FOXB1: variants seen among roughly 807,000 people sequenced by gnomAD.
FOXB1 encodes the protein forkhead box B1.
Under a neutral mutation model 18.6 loss-of-function variants are expected in FOXB1, and 6 were observed. That is an observed-to-expected ratio of 0.32 (90% CI 0.18 to 0.64). The LOEUF is 0.64. Ranked by LOEUF, FOXB1 falls within the 30% of genes least tolerant of loss-of-function variation. FOXB1 has a pLI of 0.78. For synonymous variants in FOXB1, 213 were observed against 216.0 expected, an observed-to-expected ratio of 0.99 and a Z score of 0.12; for missense variants, 419 against 463.6, an observed-to-expected ratio of 0.90 and a Z score of 0.88.
chr15:60,005,292 A>G lies in FOXB1; in HGVS notation c.329A>G (p.Lys110Arg), dbSNP rs769393617. Reference protein sequence around the residue: ...GSFLRRRKRFKVLKSDHLAPS... With the variant: ...GSFLRRRKRFRVLKSDHLAPS... Reference sequence around the variant, plus strand: ...TTCCTGCGGCGCCGCAAGCGCTTCAAGGTGCTTAAGTCCGACCACCTGGCG... The same window carrying G: ...TTCCTGCGGCGCCGCAAGCGCTTCAGGGTGCTTAAGTCCGACCACCTGGCG... The change falls in exon 2 of 2, where the codon AAG becomes AGG. Residue 110 changes from lysine to arginine, a missense_variant. Coordinates refer to ENST00000396057, the MANE Select transcript of FOXB1 (RefSeq NM_012182.3). This position sits in a 1 kb window ranked among gnomAD's most constrained non-coding sequence, Gnocchi z 9.8. 6 of 1,613,156 alleles carry G rather than the reference A, an allele frequency of 3.7e-6. No homozygotes were observed. The Admixed American group carries it at 6.7e-5, about 18-fold the overall frequency.
rs71429555 is a variant in FOXB1 at position 60,006,914 on chromosome 15, G to GAAAA, written c.*988_*991dup. 1.5e-4 allele frequency: 21 copies of GAAAA among 136,048 alleles called. 1 individual carries two copies. The highest frequency in any genetic ancestry group is 4.8e-4 in the African/African-American group (18 of 37,136). 8.4% of individuals were successfully genotyped at this position (136,048 alleles called of 1,614,324 possible). A position where few individuals can be genotyped will look rare whatever the true frequency, so the allele number is the denominator to read the frequency against. ...TTTTAGCTATTTATTTTATTGTTGG[G>GAAAA]AAAAAAAAAAAAAAAAAAGAAGGAA... On this transcript the variant is annotated 3_prime_UTR_variant, in exon 2 of 2. Coordinates refer to ENST00000396057, the MANE Select transcript of FOXB1 (RefSeq NM_012182.3).
In FOXB1 at chr15:60,006,253, G is replaced by C. The variant is rs1023217563; in HGVS notation, c.*312G>C. 15 of 412,770 alleles carry C rather than the reference G, an allele frequency of 3.6e-5. No homozygotes were observed. The highest frequency in any genetic ancestry group is 5.6e-5 in the Non-Finnish European group (13 of 233,518). 25.6% of individuals were successfully genotyped at this position (412,770 alleles called of 1,614,324 possible). ...CTATTTGACCGGCGGGGGAAACCCTGTCACCCCCTCTTCGCCGAGAAAAGC... is the reference window on the plus strand; with the variant it reads ...CTATTTGACCGGCGGGGGAAACCCTCTCACCCCCTCTTCGCCGAGAAAAGC... On this transcript the variant is annotated 3_prime_UTR_variant, in exon 2 of 2. Transcript: ENST00000396057.
rs764104037 is a variant in FOXB1 at position 60,005,056 on chromosome 15, G to T, written c.93G>T (p.Glu31Asp). ...CTATGGCCATCCAGAGCTCTCCCGA[G>T]AAGATGCTGCCGCTGAGCGAGATCT... ...LTAMAIQSSP[E>D]KMLPLSEIYK... The change falls in exon 2 of 2, where the codon GAG becomes GAT. Residue 31 changes from glutamate to aspartate, a missense_variant. This residue lies in a region of FOXB1 where 153 missense variants were observed against 173.8 expected (regional missense o/e 0.88). Transcript: ENST00000396057. This position sits in a 1 kb window ranked among gnomAD's most constrained non-coding sequence, Gnocchi z 9.8. The T allele has an allele frequency of 4.4e-6, 7 of 1,607,370 alleles. No individual in the cohort carries two copies. The African/African-American group carries it at 8.3e-5, about 19-fold the overall frequency.
chr15:60,005,825 C>G lies in FOXB1; in HGVS notation c.862C>G (p.Pro288Ala), dbSNP rs767188993. ...CATCCCCACCTTGCTCTCGAACTCGCCGCCCTCGCTCAGCCCCACGTCCTC... is the reference window on the plus strand; with the variant it reads ...CATCCCCACCTTGCTCTCGAACTCGGCGCCCTCGCTCAGCCCCACGTCCTC... ...APIPTLLSNS[P>A]PSLSPTSSQT... The change falls in exon 2 of 2, where the codon CCG (proline) becomes GCG (alanine). Residue 288 changes from proline to alanine, a missense_variant. Coordinates refer to ENST00000396057, the MANE Select transcript of FOXB1 (RefSeq NM_012182.3). This position sits in a 1 kb window ranked among gnomAD's most constrained non-coding sequence, Gnocchi z 9.8. 1 of 1,605,472 alleles carries G rather than the reference C, an allele frequency of 6.2e-7. No homozygotes were observed. Among genetic ancestry groups the G allele is most frequent in the Non-Finnish European group, 8.5e-7 (1 of 1,177,110 alleles).
chr15:60,005,498 G>T lies in FOXB1; in HGVS notation c.535G>T (p.Glu179Ter). 1.2e-6 allele frequency: 2 copies of T among 1,611,886 alleles called. No homozygotes were observed. The highest frequency in any genetic ancestry group is 2.2e-5 in the South Asian group (2 of 90,900). The change falls in exon 2 of 2, where the codon GAA (glutamate) becomes TAA (stop). Residue 179 changes from glutamate (E) to a stop codon, truncating the protein, a stop_gained. Transcript: ENST00000396057. LOFTEE classifies it high-confidence loss of function. The surrounding 1 kb of genome is among the most constrained non-coding windows in gnomAD (Gnocchi z 9.8). ...CGCCATCGAGAACATCATCGCGCGG[G>T]AATACAAGATGCCTGGGGGGCTGGC... ...PFAIENIIAREYKMPGGLAFS... is the reference protein window; with the variant it reads ...PFAIENIIAR
At position 60,005,486 on chromosome 15, in the gene FOXB1, A is replaced by C. The variant is rs1330840025; in HGVS notation, c.523A>C (p.Ile175Leu). The change falls in exon 2 of 2, where the codon ATC (isoleucine) becomes CTC (leucine). Residue 175 changes from isoleucine to leucine, a missense_variant. Around this residue, in one of 3 missense-constraint regions of FOXB1, gnomAD observed 71 missense variants for 110.0 expected, o/e 0.65. Coordinates refer to ENST00000396057, the MANE Select transcript of FOXB1 (RefSeq NM_012182.3). The surrounding 1 kb of genome is among the most constrained non-coding windows in gnomAD (Gnocchi z 9.8). ...GFKHPFAIEN[I>L]IAREYKMPGG... ...CAAGCACCCCTTCGCCATCGAGAAC[A>C]TCATCGCGCGGGAATACAAGATGCC... is the stretch of plus-strand genomic sequence containing the variant. 1 of 1,611,960 alleles carries C rather than the reference A, an allele frequency of 6.2e-7. No homozygotes were observed. The highest frequency in any genetic ancestry group is 1.3e-5 in the African/African-American group (1 of 74,914).
chr15:60,005,160 C>T lies in FOXB1; in HGVS notation c.197C>T (p.Ser66Phe). Residue 66 changes from serine (S) to phenylalanine (F), a missense_variant, in exon 2 of 2, where the codon TCC (serine) becomes TTC (phenylalanine). Around this residue, in one of 3 missense-constraint regions of FOXB1, gnomAD observed 153 missense variants for 173.8 expected, o/e 0.88. Transcript: ENST00000396057. The surrounding 1 kb of genome is among the most constrained non-coding windows in gnomAD (Gnocchi z 9.8). ...CAGAACAGTCTGCGCCACAACCTCT[C>T]CTTCAACGACTGCTTCATCAAGATC... ...RWQNSLRHNL[S>F]FNDCFIKIPR... The T allele has an allele frequency of 1.9e-6, 3 of 1,614,232 alleles. No individual in the cohort carries two copies. Among genetic ancestry groups the T allele is most frequent in the Non-Finnish European group, 2.5e-6 (3 of 1,180,036 alleles).
Position 60,005,067 on chromosome 15 carries a change from C to A in FOXB1, c.104C>A (p.Pro35Gln), listed in dbSNP as rs757385119. Residue 35 changes from proline to glutamine, a missense_variant, in exon 2 of 2, where the codon CCG becomes CAG. Transcript: ENST00000396057. This position sits in a 1 kb window ranked among gnomAD's most constrained non-coding sequence, Gnocchi z 9.8. ...CAGAGCTCTCCCGAGAAGATGCTGC[C>A]GCTGAGCGAGATCTACAAGTTCATC... ...AIQSSPEKML[P>Q]LSEIYKFIMD... is the part of the protein sequence containing the mutation. 5.0e-6 allele frequency: 8 copies of A among 1,613,780 alleles called. No homozygotes were observed. Among genetic ancestry groups the A allele is most frequent in the Non-Finnish European group, 5.9e-6 (7 of 1,179,970 alleles).
At position 60,005,261 on chromosome 15, in the gene FOXB1, G is replaced by C. The variant is rs924901672; in HGVS notation, c.298G>C (p.Gly100Arg). The C allele has an allele frequency of 3.1e-6, 5 of 1,613,940 alleles. No homozygotes were observed. Among genetic ancestry groups the C allele is most frequent in the Admixed American group, 1.7e-5 (1 of 60,026 alleles). The change falls in exon 2 of 2, where the codon GGC becomes CGC. Residue 100 changes from glycine to arginine, a missense_variant. This residue lies in a region of FOXB1 where 153 missense variants were observed against 173.8 expected (regional missense o/e 0.88). Coordinates refer to ENST00000396057, the MANE Select transcript of FOXB1 (RefSeq NM_012182.3). This position sits in a 1 kb window ranked among gnomAD's most constrained non-coding sequence, Gnocchi z 9.8. ...HPSCGDMFEN[G>R]SFLRRRKRFK... is the part of the protein sequence containing the mutation. Reference sequence around the variant, plus strand: ...AAGCTGCGGGGACATGTTCGAGAACGGCAGCTTCCTGCGGCGCCGCAAGCG... The same window carrying C: ...AAGCTGCGGGGACATGTTCGAGAACCGCAGCTTCCTGCGGCGCCGCAAGCG...
rs201342362 is a variant in FOXB1 at position 60,005,400 on chromosome 15, A to G, written c.437A>G (p.His146Arg). 1 of 1,595,182 alleles carries G rather than the reference A, an allele frequency of 6.3e-7. No homozygotes were observed. The highest frequency in any genetic ancestry group is 1.7e-5 in the Admixed American group (1 of 57,942). Residue 146 changes from histidine to arginine, a missense_variant, in exon 2 of 2, where the codon CAC (histidine) becomes CGC (arginine). Coordinates refer to ENST00000396057, the MANE Select transcript of FOXB1 (RefSeq NM_012182.3). The surrounding 1 kb of genome is among the most constrained non-coding windows in gnomAD (Gnocchi z 9.8). ...AGCGCGCTGGCGGCCTCGGGCACGC[A>G]CCTGCCACAGATGCCCGCCGCCGCC... ...RLSALAASGTHLPQMPAAAYN... is the reference protein window; with the variant it reads ...RLSALAASGTRLPQMPAAAYN...
At position 60,006,082 on chromosome 15, in the gene FOXB1, G is replaced by A; in HGVS notation, c.*141G>A. ...CTTCGGCCAACCCGCCTTGCCCCAAGAGAACTTTGTTTTGGACCCAGGAGA... is the reference window on the plus strand; with the variant it reads ...CTTCGGCCAACCCGCCTTGCCCCAAAAGAACTTTGTTTTGGACCCAGGAGA... On this transcript the variant is annotated 3_prime_UTR_variant, in exon 2 of 2. Coordinates refer to ENST00000396057, the MANE Select transcript of FOXB1 (RefSeq NM_012182.3). 8.7e-7 allele frequency: 1 copy of A among 1,149,308 alleles called. No homozygotes were observed. The allele number at this position is 1,149,308 out of a possible 1,614,324, so 71.2% of individuals were successfully genotyped here. A position where few individuals can be genotyped will look rare whatever the true frequency, so the allele number is the denominator to read the frequency against.
In FOXB1 at chr15:60,007,084, A is replaced by G. The variant is rs1892109131; in HGVS notation, c.*1143A>G. The G allele has an allele frequency of 1.3e-5, 2 of 152,162 alleles. No homozygotes were observed. The highest frequency in any genetic ancestry group is 4.1e-4 in the South Asian group (2 of 4,820). 9.4% of individuals were successfully genotyped at this position (152,162 alleles called of 1,614,324 possible). Reference sequence around the variant, plus strand: ...TGTTTGCTACCAGAACTTTTCCAAGAAGCTAAAGGGCTGCAAAGAGATGTA... The same window carrying G: ...TGTTTGCTACCAGAACTTTTCCAAGGAGCTAAAGGGCTGCAAAGAGATGTA... On this transcript the variant is annotated 3_prime_UTR_variant, in exon 2 of 2. Transcript: ENST00000396057.
At position 60,005,560 on chromosome 15, in the gene FOXB1, G is replaced by A. The variant is rs1892083413; in HGVS notation, c.597G>A (p.Pro199=). ...TGCAGCCGGTGCCCGCTGCCTACCC[G>A]CTCCCCAACCAGTTGACTACCATGG... ...SAMQPVPAAY[P]LPNQLTTMGS... Residue 199 remains proline, a synonymous_variant, in exon 2 of 2, where the codon CCG becomes CCA. Coordinates refer to ENST00000396057, the MANE Select transcript of FOXB1 (RefSeq NM_012182.3). This position sits in a 1 kb window ranked among gnomAD's most constrained non-coding sequence, Gnocchi z 9.8. 1 of 1,609,238 alleles carries A rather than the reference G, an allele frequency of 6.2e-7. No homozygotes were observed. Among genetic ancestry groups the A allele is most frequent in the South Asian group, 1.1e-5 (1 of 90,464 alleles).
rs1222363098 is a variant in FOXB1, at chr15:60,006,446, A to T, written c.*505A>T. The T allele has an allele frequency of 6.5e-6, 1 of 154,852 alleles. No individual in the cohort carries two copies. Among genetic ancestry groups the T allele is most frequent in the African/African-American group, 2.4e-5 (1 of 41,552 alleles). 9.6% of individuals were successfully genotyped at this position (154,852 alleles called of 1,614,324 possible). On this transcript the variant is annotated 3_prime_UTR_variant, in exon 2 of 2. Transcript: ENST00000396057. ...ATCTCTTTACGTCTTGGAAATCTGC[A>T]GCAAAAAGGAGCCACTAATCTTCCT...
Position 60,005,991 on chromosome 15 carries a change from G to A in FOXB1, c.*50G>A. ...CGTTCTCCTCCCCACCACCTCACTC[G>A]CCTTCCCTGGCTCCCAGTCCTGCCG... is the stretch of plus-strand genomic sequence containing the variant. On this transcript the variant is annotated 3_prime_UTR_variant, in exon 2 of 2. Coordinates refer to ENST00000396057, the MANE Select transcript of FOXB1 (RefSeq NM_012182.3). The surrounding 1 kb of genome is among the most constrained non-coding windows in gnomAD (Gnocchi z 9.8). 1 of 1,502,988 alleles carries A rather than the reference G, an allele frequency of 6.7e-7. No homozygotes were observed. Among genetic ancestry groups the A allele is most frequent in the Non-Finnish European group, 8.9e-7 (1 of 1,127,712 alleles). The allele number at this position is 1,502,988 out of a possible 1,614,324, so 93.1% of individuals were successfully genotyped here. A position where few individuals can be genotyped will look rare whatever the true frequency, so the allele number is the denominator to read the frequency against.
At chr15:60,004,800 C>CGCCGGGGGGGGGG in intron 1 of FOXB1, 107 bp from the exon 2 acceptor site, 1 of 355,074 alleles carries the variant, frequency 2.8e-6, no homozygotes, top group Non-Finnish European at 5.3e-6. Flanking sequence ...GATCGAGCGC[C>CGCCGGGGGGGGGG]GCAGGCCCCA....
rs376335632 is a variant in FOXB1, at chr15:60,005,962, C to A, written c.*21C>A. On this transcript the variant is annotated 3_prime_UTR_variant, in exon 2 of 2. Transcript: ENST00000396057. This position sits in a 1 kb window ranked among gnomAD's most constrained non-coding sequence, Gnocchi z 9.8. ...ACTGACCCGCAGGAGCCCACGCCCC[C>A]TCTCGTTCTCCTCCCCACCACCTCA... 2.6e-6 allele frequency: 4 copies of A among 1,557,004 alleles called. No homozygotes were observed. The highest frequency in any genetic ancestry group is 2.4e-5 in the East Asian group (1 of 42,064).
In FOXB1 at chr15:60,004,903, C is replaced by A; in HGVS notation, c.-57-4C>A. On this transcript the variant is annotated splice_polypyrimidine_tract_variant and splice_region_variant and intron_variant, in intron 1 of 1. Transcript: ENST00000396057. ...CCTTTCCCTATTACCCACCCCCTTCCCAGATCCGAGCAGTCCGCCGGCCCG... is the reference window on the plus strand; with the variant it reads ...CCTTTCCCTATTACCCACCCCCTTCACAGATCCGAGCAGTCCGCCGGCCCG... 6.4e-7 allele frequency: 1 copy of A among 1,556,474 alleles called. No homozygotes were observed. The highest frequency in any genetic ancestry group is 1.9e-5 in the Admixed American group (1 of 53,858).
rs1018197078 is a variant in FOXB1 at position 60,007,161 on chromosome 15, G to A, written c.*1220G>A. 2.0e-5 allele frequency: 3 copies of A among 151,864 alleles called. No individual in the cohort carries two copies. Among genetic ancestry groups the A allele is most frequent in the Admixed American group, 6.6e-5 (1 of 15,256 alleles). 9.4% of individuals were successfully genotyped at this position (151,864 alleles called of 1,614,324 possible). ...CACTGTGTAAAATGCACTTTTGTTT[G>A]CTGTATTCCTTTAGAATCTTAGATA... On this transcript the variant is annotated 3_prime_UTR_variant, in exon 2 of 2. Transcript: ENST00000396057.
Sources: allele counts gnomAD v4.1 joint callset, GRCh38; gene constraint gnomAD v4.1.1; regional missense constraint gnomAD v4.1.1; non-coding constraint Gnocchi (gnomAD v3.1); transcripts MANE v1.5; gene names NCBI Gene and HGNC (gene_info 2026-07-23, HGNC 2026-07-21).